Variants in BABAM2 observed in about 807,000 individuals in gnomAD.
BABAM2 encodes BRISC and BRCA1-A complex member 2.
In BABAM2, 31 loss-of-function variants were observed where a neutral mutation model predicts 54.7. The observed-to-expected ratio is 0.57, with a 90% CI of 0.43 to 0.77. BABAM2 has a LOEUF of 0.77. Ranked by LOEUF, BABAM2 falls within the 30% of genes least tolerant of loss-of-function variation. The pLI, the probability that BABAM2 is intolerant of heterozygous loss-of-function variation, is 0.00. For synonymous variants in BABAM2, 167 were observed against 162.9 expected (o/e 1.03, Z -0.19); for missense variants, 364 against 455.8 (o/e 0.80, Z 1.83).
In BABAM2 at chr2:28,151,903, C is replaced by T. The variant is rs115301053; in HGVS notation, c.680+22523C>T. ...TAGTCTTCACACACAGATTTTCCCCCACTGTTCGTGGGCACTGACACCTCA... is the reference window on the plus strand; with the variant it reads ...TAGTCTTCACACACAGATTTTCCCCTACTGTTCGTGGGCACTGACACCTCA... On this transcript the variant is annotated intron_variant, in intron 7 of 11. Coordinates refer to ENST00000379624, the MANE Select transcript of BABAM2 (RefSeq NM_199191.3). Among the ~76,000 whole-genome samples, 758 of 152,284 alleles carry T rather than the reference C, an allele frequency of 5.0e-3. 8 individuals carry two copies. The highest frequency in any genetic ancestry group is 0.017 in the African/African-American group (706 of 41,544).
At chr2:28,092,794 C>T (rs987492232) in intron 6 of BABAM2, among the ~76,000 whole-genome samples, 4 of 151,532 alleles carry the variant, frequency 2.6e-5, no homozygotes, top group Admixed American at 6.6e-5. Flanking sequence ...CTCTCTCTGC[C>T]CTGATCATTT....
intron 10 of BABAM2, among the ~76,000 whole-genome samples, chr2:28,275,051 G>A (rs924592905): frequency 6.6e-6 from 1 of 152,104 alleles, no homozygotes; most frequent in African/African-American, 2.4e-5. Context: ...TAGTCGGGAG[G>A]GATTAGATGA....
At chr2:28,089,248 A>G (rs946315666) in intron 6 of BABAM2, among the ~76,000 whole-genome samples, 1 of 152,200 alleles carries the variant, frequency 6.6e-6, no homozygotes, top group Non-Finnish European at 1.5e-5. Flanking sequence ...ATCCACAGAC[A>G]TGGTACCTAG....
intron 3 of BABAM2, among the ~76,000 whole-genome samples, chr2:27,956,659 A>T (rs1288871408): frequency 6.6e-6 from 1 of 152,198 alleles, no homozygotes; most frequent in East Asian, 1.9e-4. Context: ...ATAAGGAAGT[A>T]TCTAAAGATT....
chr2:28,196,296 C>T (rs914279468), intron 7 of BABAM2, among the ~76,000 whole-genome samples: 2 of 124,632 alleles, frequency 1.6e-5, no homozygotes, highest in Admixed American at 8.7e-5. Flanking sequence ...CACTGCACTC[C>T]AGCCTGGGCA....
chr2:28,273,571 T>C (rs1449533459), intron 10 of BABAM2, among the ~76,000 whole-genome samples: 3 of 152,044 alleles, frequency 2.0e-5, no homozygotes, highest in Non-Finnish European at 2.9e-5. Flanking sequence ...ATACAAAAAT[T>C]AGCTGCATGT....
intron 3 of BABAM2, among the ~76,000 whole-genome samples, chr2:27,957,402 C>G (rs186171767): frequency 6.6e-6 from 1 of 152,276 alleles, no homozygotes; most frequent in African/African-American, 2.4e-5. Context: ...CCATTTTCTA[C>G]TAAACCAGAT....
chr2:28,241,488 C>A, intron 9 of BABAM2, 95 bp downstream of exon 9: 5 of 1,156,162 alleles, frequency 4.3e-6, no homozygotes, highest in South Asian at 2.6e-5. Flanking sequence ...GCACTTAGTT[C>A]TTACACATGA....
chr2:28,059,092 G>GC (rs1678665141), intron 6 of BABAM2, among the ~76,000 whole-genome samples: 1 of 152,082 alleles, frequency 6.6e-6, no homozygotes, highest in East Asian at 1.9e-4. Context: ...CACCCAGCAC[G>GC]CCCCTCCTTT....
At chr2:28,318,400 A>G (rs143311124) in intron 11 of BABAM2, among the ~76,000 whole-genome samples, 14 of 152,298 alleles carry the variant, frequency 9.2e-5, no homozygotes, top group African/African-American at 3.1e-4. Flanking sequence ...TTGAATTGTT[A>G]TAATAGAATA....
chr2:28,043,851 C>T (rs531109832), intron 5 of BABAM2, among the ~76,000 whole-genome samples: 70 of 152,274 alleles, frequency 4.6e-4, no homozygotes, highest in African/African-American at 1.7e-3. Context: ...TAAGTATTCT[C>T]CCAAGTGTTG....
intron 3 of BABAM2, among the ~76,000 whole-genome samples, chr2:27,958,105 A>G (rs1211280391): frequency 1.3e-5 from 2 of 152,198 alleles, no homozygotes; most frequent in East Asian, 1.9e-4. Flanking sequence ...ATCTCAGTCA[A>G]TGCTGTGAGG....
chr2:27,965,421 C>G (rs1186741355), intron 3 of BABAM2, among the ~76,000 whole-genome samples: 1 of 152,152 alleles, frequency 6.6e-6, no homozygotes. Context: ...TCACAGCTAT[C>G]AACTCATGGT....
At chr2:27,892,711 C>T (rs1416026762) in intron 1 of BABAM2, among the ~76,000 whole-genome samples, 1 of 152,052 alleles carries the variant, frequency 6.6e-6, no homozygotes, top group Non-Finnish European at 1.5e-5. Flanking sequence ...TATATATGGA[C>T]GCTCCTTGTA....
At chr2:28,155,760 TAGA>T (rs1380540650) in intron 7 of BABAM2, among the ~76,000 whole-genome samples, 8 of 152,244 alleles carry the variant, frequency 5.3e-5, no homozygotes, top group Non-Finnish European at 7.4e-5. Context: ...GGAAGAAAAG[TAGA>T]AGGATGGAAA....
chr2:27,963,338 C>T (rs1368333473), intron 3 of BABAM2, among the ~76,000 whole-genome samples: 16 of 151,788 alleles, frequency 1.1e-4, no homozygotes, highest in African/African-American at 2.2e-4. Flanking sequence ...GGCTTGTTGG[C>T]GCATGCTTGT....
chr2:28,259,807 T>C (rs902293361), intron 10 of BABAM2, among the ~76,000 whole-genome samples: 5 of 152,094 alleles, frequency 3.3e-5, no homozygotes, highest in Non-Finnish European at 7.4e-5. Flanking sequence ...TGTACTAATA[T>C]CCAGTTTGTT....
chr2:28,248,207 C>CTTTTTCTT (rs1553349503), intron 10 of BABAM2, among the ~76,000 whole-genome samples: 555 of 54,186 alleles, frequency 0.01, 30 homozygotes, highest in Middle Eastern at 0.075. Context: ...TTTTCTTTTT[C>CTTTTTCTT]TTTTTTTTTT....
chr2:28,067,909 G>C (rs1196368275), intron 6 of BABAM2, among the ~76,000 whole-genome samples: 2 of 152,072 alleles, frequency 1.3e-5, no homozygotes, highest in Non-Finnish European at 2.9e-5. Context: ...TGTATACTCA[G>C]TAAGAATTTT....
Sources: allele counts gnomAD v4.1 joint callset (sites outside exome capture counted in the v4.1 genomes callset), GRCh38; gene constraint gnomAD v4.1.1; transcripts MANE v1.5; gene names NCBI Gene and HGNC (gene_info 2026-07-23, HGNC 2026-07-21).